The following CHRNG variants were observed in gnomAD, a reference collection of about 807,000 sequenced individuals.
CHRNG encodes the protein cholinergic receptor nicotinic gamma subunit.
A neutral mutation model predicts 65.2 loss-of-function variants in CHRNG; 72 were observed. That is an observed-to-expected ratio of 1.10 (90% confidence interval 0.91 to 1.34). The LOEUF (loss-of-function observed/expected upper bound fraction) is 1.34, where lower values mean the gene tolerates loss of function less well. CHRNG is among the 40% of genes most tolerant of loss of function. The probability of loss-of-function intolerance (pLI) is 0.00; values close to 1 mark genes in which losing one functional copy is unlikely to be tolerated. For synonymous variants in CHRNG, 284 were observed against 290.2 expected, an observed-to-expected ratio of 0.98 and a Z score of 0.22; for missense variants, 637 against 680.1, an observed-to-expected ratio of 0.94 and a Z score of 0.70.
chr2:232,540,265 G>T lies in CHRNG; in HGVS notation c.196-116G>T, dbSNP rs918404063. The T allele has an allele frequency of 1.1e-5, 18 of 1,590,274 alleles. No homozygotes were observed. The highest frequency in any genetic ancestry group is 1.6e-5 in the Non-Finnish European group (18 of 1,158,936). Reference sequence around the variant, plus strand: ...GGCTGGGGTCTGGAAAACCCCCATGGTTGTGGGGGGAGTACTATCAAGAGG... The same window carrying T: ...GGCTGGGGTCTGGAAAACCCCCATGTTTGTGGGGGGAGTACTATCAAGAGG... On this transcript the variant is annotated intron_variant, in intron 2 of 11. Coordinates refer to ENST00000651502, the MANE Select transcript of CHRNG (RefSeq NM_005199.5). The surrounding 1 kb of genome is among the most constrained non-coding windows in gnomAD (Gnocchi z 4.2).
At position 232,541,328 on chromosome 2, in the gene CHRNG, G is replaced by C; in HGVS notation, c.351-46G>C. On this transcript the variant is annotated intron_variant, in intron 4 of 11. Transcript: ENST00000651502. This position sits in a 1 kb window ranked among gnomAD's most constrained non-coding sequence, Gnocchi z 4.0. Reference sequence around the variant, plus strand: ...GGCTGGTCTGGGGCTGGGGTGTCGGGGGCTGAGCCCACAGCCTCGTGGCCT... The same window carrying C: ...GGCTGGTCTGGGGCTGGGGTGTCGGCGGCTGAGCCCACAGCCTCGTGGCCT... 1 of 1,613,002 alleles carries C rather than the reference G, an allele frequency of 6.2e-7. No homozygotes were observed. Among genetic ancestry groups the C allele is most frequent in the Non-Finnish European group, 8.5e-7 (1 of 1,179,520 alleles).
At position 232,543,391 on chromosome 2, in the gene CHRNG, T is replaced by C; in HGVS notation, c.920+2T>C. 6.2e-7 allele frequency: 1 copy of C among 1,604,298 alleles called. No homozygotes were observed. Among genetic ancestry groups the C allele is most frequent in the South Asian group, 1.1e-5 (1 of 90,896 alleles). On this transcript the variant is annotated splice_donor_variant, in intron 8 of 11. Coordinates refer to ENST00000651502, the MANE Select transcript of CHRNG (RefSeq NM_005199.5). LOFTEE classifies it high-confidence loss of function. ...CCAGGCGGTGCCACTCATCAGCAAG[T>C]AAGGCTGGTCTTCATGTCCACCCGC...
In CHRNG at chr2:232,545,621, G is replaced by A; in HGVS notation, c.1459G>A (p.Gly487Ser). The A allele has an allele frequency of 1.2e-6, 2 of 1,614,164 alleles. No individual in the cohort carries two copies. The highest frequency in any genetic ancestry group is 2.2e-5 in the South Asian group (2 of 91,092). Residue 487 changes from glycine (G) to serine (S), a missense_variant, in exon 12 of 12, where the codon GGC (glycine) becomes AGC (serine). Physicochemically the swap from Gly to Ser is moderately conservative, Grantham distance 56 (BLOSUM62 0). Coordinates refer to ENST00000651502, the MANE Select transcript of CHRNG (RefSeq NM_005199.5). Reference protein sequence around the residue: ...FLAMLSLFICGTAGIFLMAHY... With the variant: ...FLAMLSLFICSTAGIFLMAHY... ...GGCCATGCTCTCGCTCTTCATCTGT[G>A]GCACAGCTGGCATCTTCCTCATGGC...
Position 232,539,972 on chromosome 2 carries a change from C to G in CHRNG, c.56-20C>G. 1 of 1,614,078 alleles carries G rather than the reference C, an allele frequency of 6.2e-7. No homozygotes were observed. The highest frequency in any genetic ancestry group is 8.5e-7 in the Non-Finnish European group (1 of 1,180,010). ...TTTCCACCTCCAAGCTCCTGCTAGG[C>G]TCACGCCTGTCTATTGCAGGGGCCC... is the stretch of plus-strand genomic sequence containing the variant. On this transcript the variant is annotated intron_variant, in intron 1 of 11. Coordinates refer to ENST00000651502, the MANE Select transcript of CHRNG (RefSeq NM_005199.5).
In CHRNG at chr2:232,546,096, T is replaced by G; in HGVS notation, c.*380T>G. ...TTGGGACTGGCTCCCCTTTTACAAG[T>G]TCTCCCTGAAAGAGGGCAGTCACAA... On this transcript the variant is annotated 3_prime_UTR_variant, in exon 12 of 12. Transcript: ENST00000651502. The G allele has an allele frequency of 2.9e-6, 1 of 350,754 alleles. No individual in the cohort carries two copies. Among genetic ancestry groups the G allele is most frequent in the Non-Finnish European group, 5.6e-6 (1 of 179,144 alleles). 21.7% of individuals were successfully genotyped at this position (350,754 alleles called of 1,614,324 possible). A position where few individuals can be genotyped will look rare whatever the true frequency, so the allele number is the denominator to read the frequency against.
rs1574646586 is a variant in CHRNG, at chr2:232,544,475, T to G, written c.1144T>G (p.Ser382Ala). The G allele has an allele frequency of 6.2e-7, 1 of 1,613,676 alleles. No individual in the cohort carries two copies. The stretch of plus-strand genomic sequence containing the variant: ...GCTACAGAATGGCTCCTCGGGATGG[T>G]CGATCACAACTGGGGAGGAGGTGGC... ...SRLQNGSSGWSITTGEEVALC... is the reference protein window; with the variant it reads ...SRLQNGSSGWAITTGEEVALC... Residue 382 changes from serine (S) to alanine (A), a missense_variant, in exon 10 of 12, where the codon TCG becomes GCG. Transcript: ENST00000651502.
At position 232,541,160 on chromosome 2, in the gene CHRNG, G is replaced by A. The variant is rs1377216767; in HGVS notation, c.351-214G>A. On this transcript the variant is annotated intron_variant, in intron 4 of 11. Transcript: ENST00000651502. This position sits in a 1 kb window ranked among gnomAD's most constrained non-coding sequence, Gnocchi z 4.0. ...GAGTAAGATAAGCAGAAATTAGGAG[G>A]TGGTGCCTGAGGAAGTCTGTCTGGG... Among the ~76,000 whole-genome samples, 2 of 151,466 alleles carry A rather than the reference G, an allele frequency of 1.3e-5. No homozygotes were observed. Among genetic ancestry groups the A allele is most frequent in the Non-Finnish European group, 2.9e-5 (2 of 67,872 alleles).
chr2:232,545,837 G>T lies in CHRNG; in HGVS notation c.*121G>T. 1 of 1,160,632 alleles carries T rather than the reference G, an allele frequency of 8.6e-7. No homozygotes were observed. Among genetic ancestry groups the T allele is most frequent in the Non-Finnish European group, 1.3e-6 (1 of 787,166 alleles). 71.9% of individuals were successfully genotyped at this position (1,160,632 alleles called of 1,614,324 possible). A position where few individuals can be genotyped will look rare whatever the true frequency, so the allele number is the denominator to read the frequency against. On this transcript the variant is annotated 3_prime_UTR_variant, in exon 12 of 12. Transcript: ENST00000651502. ...TTTGGGAAGTGCCCTTCAGGACTGT[G>T]TGAGCCAAACAGCCCTGAGAAAAGC...
In CHRNG at chr2:232,547,539, T is replaced by C. The variant is rs1304243304; in HGVS notation, c.*1823T>C. ...ATATGCCCTCCCTCCAAGCACAGGATTGCTGTCTTTGGGATTCAATCACCA... is the reference window on the plus strand; with the variant it reads ...ATATGCCCTCCCTCCAAGCACAGGACTGCTGTCTTTGGGATTCAATCACCA... On this transcript the variant is annotated 3_prime_UTR_variant, in exon 12 of 12. Transcript: ENST00000651502. Among the ~76,000 whole-genome samples, 1 of 152,218 alleles carries C rather than the reference T, an allele frequency of 6.6e-6. No individual in the cohort carries two copies. The highest frequency in any genetic ancestry group is 2.4e-5 in the African/African-American group (1 of 41,454).
chr2:232,543,415 G>A (rs538361411), intron 8 of CHRNG, 26 bp downstream of exon 8: 7 of 1,522,036 alleles, frequency 4.6e-6, no homozygotes, highest in Middle Eastern at 1.7e-4. Context: ...ATGTCCACCC[G>A]CCTATGCCAC....
In CHRNG at chr2:232,548,029, G is replaced by C; in HGVS notation, c.*2313G>C. 2 of 539,116 alleles carry C rather than the reference G, an allele frequency of 3.7e-6. No individual in the cohort carries two copies. The highest frequency in any genetic ancestry group is 6.5e-6 in the Non-Finnish European group (2 of 308,204). 33.4% of individuals were successfully genotyped at this position (539,116 alleles called of 1,614,324 possible). A position where few individuals can be genotyped will look rare whatever the true frequency, so the allele number is the denominator to read the frequency against. On this transcript the variant is annotated 3_prime_UTR_variant, in exon 12 of 12. Transcript: ENST00000651502. ...TTTACACTATACTGTAGACCAGCAA[G>C]AGTGCAATAGCATTGTCTAATAAAA...
In CHRNG at chr2:232,543,063, C is replaced by A. The variant is rs1692050788; in HGVS notation, c.786C>A (p.Ile262=). The part of the protein sequence containing the change: ...CVLISSVAIL[I]HFLPAKAGGQ... Reference sequence around the variant, plus strand: ...TCATCTCCTCTGTCGCCATCCTCATCCACTTCCTTCCTGCCAAGGGTACCT... The same window carrying A: ...TCATCTCCTCTGTCGCCATCCTCATACACTTCCTTCCTGCCAAGGGTACCT... The change falls in exon 7 of 12, where the codon ATC becomes ATA. Residue 262 remains isoleucine, a synonymous_variant. Coordinates refer to ENST00000651502, the MANE Select transcript of CHRNG (RefSeq NM_005199.5). 2 of 1,614,194 alleles carry A rather than the reference C, an allele frequency of 1.2e-6. No homozygotes were observed. The highest frequency in any genetic ancestry group is 1.3e-5 in the African/African-American group (1 of 75,050).
rs750254076 is a variant in CHRNG, at chr2:232,540,157, C to G, written c.195+26C>G. The G allele has an allele frequency of 6.2e-7, 1 of 1,614,128 alleles. No individual in the cohort carries two copies. The highest frequency in any genetic ancestry group is 1.7e-5 in the Admixed American group (1 of 60,026). Reference sequence around the variant, plus strand: ...GTAAGCCGCAGGACGGAGGAGGGGTCAGCGCACCACGCCCTGGGACCTGCT... The same window carrying G: ...GTAAGCCGCAGGACGGAGGAGGGGTGAGCGCACCACGCCCTGGGACCTGCT... On this transcript the variant is annotated intron_variant, in intron 2 of 11. Coordinates refer to ENST00000651502, the MANE Select transcript of CHRNG (RefSeq NM_005199.5). This position sits in a 1 kb window ranked among gnomAD's most constrained non-coding sequence, Gnocchi z 4.2.
Position 232,542,448 on chromosome 2 carries a change from A to C in CHRNG, c.532A>C (p.Ile178Leu). The change falls in exon 6 of 12, where the codon ATT becomes CTT. Residue 178 changes from isoleucine to leucine, a missense_variant. By Grantham distance (5) the Ile-to-Leu change is conservative (BLOSUM62 2). Transcript: ENST00000651502. ...FQSQTYSTNE[I>L]DLQLSQEDGQ... ...GTCCCAGACTTACAGCACCAATGAG[A>C]TTGATCTGCAGCTGAGTCAGGAAGA... is the stretch of plus-strand genomic sequence containing the variant. 1 of 1,613,840 alleles carries C rather than the reference A, an allele frequency of 6.2e-7. No homozygotes were observed. Among genetic ancestry groups the C allele is most frequent in the Non-Finnish European group, 8.5e-7 (1 of 1,179,846 alleles).
intron 6 of CHRNG, 132 bp downstream of exon 6, chr2:232,542,652 T>C (rs1692041372): frequency 1.3e-6 from 1 of 751,590 alleles, no homozygotes; most frequent in African/African-American, 1.7e-5. Context: ...AACCATAAAA[T>C]ATGCTTTTTA....
In CHRNG at chr2:232,539,814, A is replaced by G. The variant is rs557305739; in HGVS notation, c.55+12A>G. On this transcript the variant is annotated intron_variant, in intron 1 of 11. Transcript: ENST00000651502. ...GGCTGTCTGCCTGGGTGGGACACAA[A>G]GGAATCTCAGCCTGGGGAGTCCCAG... The G allele has an allele frequency of 1.1e-5, 18 of 1,613,644 alleles. No homozygotes were observed. The South Asian group carries it at 1.9e-4, about 17-fold the overall frequency.
rs1185137352 is a variant in CHRNG at position 232,540,572 on chromosome 2, G to A, written c.241-30G>A. On this transcript the variant is annotated intron_variant, in intron 3 of 11. Transcript: ENST00000651502. This position sits in a 1 kb window ranked among gnomAD's most constrained non-coding sequence, Gnocchi z 4.2. ...TAGGGCTGTGGTGCAGCAGAGGGCAGAGGCCTAGCAACTGCCCCTCCCCCT... is the reference window on the plus strand; with the variant it reads ...TAGGGCTGTGGTGCAGCAGAGGGCAAAGGCCTAGCAACTGCCCCTCCCCCT... The A allele has an allele frequency of 1.9e-6, 3 of 1,606,874 alleles. No individual in the cohort carries two copies. Among genetic ancestry groups the A allele is most frequent in the East Asian group, 2.2e-5 (1 of 44,756 alleles).
At chr2:232,545,042 A>G in intron 11 of CHRNG, 140 bp downstream of exon 11, 1 of 1,088,986 alleles carries the variant, frequency 9.2e-7, no homozygotes, top group Non-Finnish European at 1.4e-6. Flanking sequence ...CACACCTGTA[A>G]TCCCAGTACT....
Position 232,540,655 on chromosome 2 carries a change from G to A in CHRNG, c.294G>A (p.Trp98Ter), listed in dbSNP as rs1435589338. Residue 98 changes from tryptophan (W) to a stop codon, truncating the protein, a stop_gained, in exon 4 of 12, where the codon TGG becomes TGA. Coordinates refer to ENST00000651502, the MANE Select transcript of CHRNG (RefSeq NM_005199.5). LOFTEE classifies it high-confidence loss of function. The surrounding 1 kb of genome is among the most constrained non-coding windows in gnomAD (Gnocchi z 4.2). The part of the protein sequence containing the change: ...RWDPRDYEGL[W>*]VLRVPSTMVW... ...ATCCGCGAGACTACGAAGGCCTGTG[G>A]GTGCTGAGGGTGCCGTCCACCATGG... The A allele has an allele frequency of 6.2e-7, 1 of 1,613,200 alleles. No homozygotes were observed. The highest frequency in any genetic ancestry group is 8.5e-7 in the Non-Finnish European group (1 of 1,179,992).
Sources: allele counts gnomAD v4.1 joint callset (sites outside exome capture counted in the v4.1 genomes callset), GRCh38; gene constraint gnomAD v4.1.1; non-coding constraint Gnocchi (gnomAD v3.1); transcripts MANE v1.5; gene names NCBI Gene and HGNC (gene_info 2026-07-23, HGNC 2026-07-21).